Variants in TSNARE1 observed in about 807,000 individuals in gnomAD.
TSNARE1 encodes the protein t-SNARE domain containing 1.
In TSNARE1, 49 loss-of-function variants were observed where a neutral mutation model predicts 62.0. The observed-to-expected ratio is 0.79, with a 90% confidence interval of 0.63 to 1.00. The LOEUF is 1.00. Ranked by LOEUF, TSNARE1 falls within the 50% of genes least tolerant of loss-of-function variation. TSNARE1 has a pLI of 0.00. For synonymous variants in TSNARE1, 328 were observed against 294.4 expected, an observed-to-expected ratio of 1.11 and a Z score of -1.17; for missense variants, 755 against 700.1, an observed-to-expected ratio of 1.08 and a Z score of -0.88.
At chr8:142,344,768 G>C (rs1833127120) in intron 3 of TSNARE1, among the ~76,000 whole-genome samples, 1 of 152,244 alleles carries the variant, frequency 6.6e-6, no homozygotes, top group African/African-American at 2.4e-5. Flanking sequence ...CAGAGGTGCA[G>C]GAGCCGAGCA....
intron 6 of TSNARE1, among the ~76,000 whole-genome samples, chr8:142,328,990 G>C (rs1830644587): frequency 6.6e-6 from 1 of 152,210 alleles, no homozygotes; most frequent in Non-Finnish European, 1.5e-5. Context: ...CTGCAGGGCT[G>C]GAAAGCCTTT....
chr8:142,270,178 G>A (rs1046833517), intron 12 of TSNARE1: 4 of 985,276 alleles, frequency 4.1e-6, no homozygotes, highest in Non-Finnish European at 4.8e-6. Context: ...GCTGCAGACT[G>A]TGCCCTGCCG....
chr8:142,260,988 A>AGGAAGAAGGAG (rs1818841037), intron 12 of TSNARE1, among the ~76,000 whole-genome samples: 4 of 1,662 alleles, frequency 2.4e-3, no homozygotes, highest in Admixed American at 9.1e-3. Flanking sequence ...GAGGGAGGAG[A>AGGAAGAAGGAG]GAGGGAGGGG....
intron 10 of TSNARE1, among the ~76,000 whole-genome samples, chr8:142,299,119 AGGCGGG>A (rs1187874261): frequency 6.6e-6 from 1 of 152,168 alleles, no homozygotes; most frequent in Non-Finnish European, 1.5e-5. Context: ...CTCACAGAGG[AGGCGGG>A]GGCCCCAAAC....
intron 11 of TSNARE1, chr8:142,275,474 C>T (rs925488664): frequency 1.5e-4 from 151 of 985,256 alleles, no homozygotes; most frequent in Non-Finnish European, 1.8e-4. Context: ...GCAGGGCCCA[C>T]GGGAGACACC....
At chr8:142,249,668 C>G (rs571025269) in intron 12 of TSNARE1, among the ~76,000 whole-genome samples, 3 of 152,222 alleles carry the variant, frequency 2.0e-5, no homozygotes, top group Admixed American at 6.5e-5. Context: ...GCAGGCAGGC[C>G]GTCCGCGTCA....
chr8:142,315,301 G>C (rs907034508), intron 7 of TSNARE1, among the ~76,000 whole-genome samples: 7 of 151,874 alleles, frequency 4.6e-5, no homozygotes, highest in African/African-American at 1.5e-4. Context: ...CCGGTGCAGG[G>C]GTCAACACCA....
intron 13 of TSNARE1, among the ~76,000 whole-genome samples, chr8:142,215,304 C>G (rs1815779313): frequency 6.6e-6 from 1 of 152,182 alleles, no homozygotes; most frequent in African/African-American, 2.4e-5. Flanking sequence ...TGGGGGCGCC[C>G]CAAGGATGGT....
At chr8:142,276,790 C>T (rs1413788258) in intron 11 of TSNARE1, 2 of 985,416 alleles carry the variant, frequency 2.0e-6, no homozygotes, top group East Asian at 1.1e-4. Context: ...TGCTCCAGGG[C>T]TGCATGCACC....
intron 1 of TSNARE1, among the ~76,000 whole-genome samples, chr8:142,385,018 A>G (rs559002526): frequency 2.4e-4 from 37 of 152,294 alleles, no homozygotes; most frequent in African/African-American, 8.9e-4. Context: ...AGTATCACAC[A>G]TGATAGAGAC....
At position 142,343,983 on chromosome 8, in the gene TSNARE1, C is replaced by T; in HGVS notation, c.728G>A (p.Ser243Asn). 1.3e-6 allele frequency: 2 copies of T among 1,536,368 alleles called. No homozygotes were observed. Among genetic ancestry groups the T allele is most frequent in the African/African-American group, 2.7e-5 (2 of 72,796 alleles). Reference protein sequence around the residue: ...SCQALPSEGFSLEPPRATQVD... With the variant: ...SCQALPSEGFNLEPPRATQVD... ...GAACTCACCTCTGGGCGGCTCCAGA[C>T]TGAAGCCCTCGGAGGGCAGGGCCTG... Residue 243 changes from serine to asparagine, a missense_variant, in exon 4 of 14, where the codon AGT (serine) becomes AAT (asparagine). Ser to Asn is a conservative substitution (Grantham distance 46). Transcript: ENST00000524325.
chr8:142,227,624 A>AG (rs1816903788), intron 13 of TSNARE1, among the ~76,000 whole-genome samples: 1 of 152,252 alleles, frequency 6.6e-6, no homozygotes, highest in African/African-American at 2.4e-5. Flanking sequence ...AAATGAGGTA[A>AG]GGCCACCTGG....
chr8:142,334,842 A>G (rs1831534638), intron 4 of TSNARE1, among the ~76,000 whole-genome samples: 1 of 152,192 alleles, frequency 6.6e-6, no homozygotes, highest in African/African-American at 2.4e-5. Context: ...TTCTACACCC[A>G]CTGGAAACAG....
At chr8:142,356,622 T>G (rs1249651739) in intron 1 of TSNARE1, among the ~76,000 whole-genome samples, 1 of 152,148 alleles carries the variant, frequency 6.6e-6, no homozygotes, top group African/African-American at 2.4e-5. Flanking sequence ...GAGAAAACTT[T>G]AACACGTAAC....
intron 12 of TSNARE1, among the ~76,000 whole-genome samples, chr8:142,234,869 C>T (rs557019010): frequency 6.6e-6 from 1 of 151,650 alleles, no homozygotes; most frequent in Non-Finnish European, 1.5e-5. Context: ...CCCCCCACAA[C>T]ATCCTCACCC....
chr8:142,243,178 G>A (rs1048794109), intron 12 of TSNARE1, among the ~76,000 whole-genome samples: 1 of 152,108 alleles, frequency 6.6e-6, no homozygotes. Context: ...CAGCCATCAT[G>A]GAAAACAGTA....
intron 11 of TSNARE1, among the ~76,000 whole-genome samples, chr8:142,281,586 G>T (rs369360111): frequency 3.5e-4 from 53 of 152,122 alleles, no homozygotes; most frequent in African/African-American, 9.9e-4. Flanking sequence ...AGCGCATGGA[G>T]TCAGAACTGG....
In TSNARE1 at chr8:142,324,582, C is replaced by A. The variant is rs975071877; in HGVS notation, c.894-5948G>T. On this transcript the variant is annotated intron_variant, in intron 6 of 13. Coordinates refer to ENST00000524325, the MANE Select transcript of TSNARE1 (RefSeq NM_145003.5). ...CATTACTTAAGATGCCGTTTAGAAG[C>A]ACCTCATGTCCCGCGTATCTCATAC... 2.0e-5 allele frequency among the ~76,000 whole-genome samples: 3 copies of A among 152,366 alleles called. No individual in the cohort carries two copies. The East Asian group carries it at 5.8e-4, about 29-fold the overall frequency.
chr8:142,325,524 G>A (rs1830083032), intron 6 of TSNARE1, among the ~76,000 whole-genome samples: 3 of 152,186 alleles, frequency 2.0e-5, no homozygotes, highest in Admixed American at 2.0e-4. Flanking sequence ...GTGGACACGG[G>A]GCAGCTCAAG....
Sources: gnomAD v4.1 joint callset for allele counts (sites outside exome capture counted in the v4.1 genomes callset) on GRCh38, gnomAD v4.1.1 for gene constraint, MANE v1.5 for transcripts, NCBI Gene and HGNC (gene_info 2026-07-23, HGNC 2026-07-21) for gene names.